Variants in ADGB observed in about 807,000 individuals in gnomAD.
The protein encoded by ADGB is calpain-7-like protein.
A neutral mutation model predicts 210.5 loss-of-function variants in ADGB; 172 were observed. That is an observed-to-expected ratio of 0.82 (90% CI 0.72 to 0.93). The LOEUF (loss-of-function observed/expected upper bound fraction) is 0.93, where lower values mean the gene tolerates loss of function less well. ADGB is among the 40% of genes least tolerant of loss of function. ADGB has a pLI of 0.00. For synonymous variants in ADGB, 658 were observed against 662.7 expected (o/e 0.99, Z 0.11); for missense variants, 2,025 against 1,964.8 (o/e 1.03, Z -0.58).
At chr6:146,678,805 G>C (rs1201577981) in intron 9 of ADGB, among the ~76,000 whole-genome samples, 2 of 152,100 alleles carry the variant, frequency 1.3e-5, no homozygotes, top group African/African-American at 4.8e-5. Flanking sequence ...ATTTCATTTT[G>C]TTATTTTCAA....
intron 29 of ADGB, among the ~76,000 whole-genome samples, chr6:146,771,491 C>G (rs1188490011): frequency 1.3e-5 from 2 of 152,094 alleles, no homozygotes; most frequent in Non-Finnish European, 2.9e-5. Context: ...TTAAAGTAAC[C>G]ATTACCCTAT....
intron 8 of ADGB, among the ~76,000 whole-genome samples, chr6:146,675,619 G>A (rs1171271152): frequency 6.6e-6 from 1 of 152,100 alleles, no homozygotes; most frequent in African/African-American, 2.4e-5. Context: ...AGCAGATGAT[G>A]CAGAGAATGA....
At chr6:146,645,586 A>C (rs1368594352) in intron 3 of ADGB, among the ~76,000 whole-genome samples, 1 of 152,066 alleles carries the variant, frequency 6.6e-6, no homozygotes, top group Non-Finnish European at 1.5e-5. Context: ...AGAAGTAGTC[A>C]AATTGTTGTA....
chr6:146,681,122 C>T (rs546202405), intron 9 of ADGB, among the ~76,000 whole-genome samples: 123 of 152,282 alleles, frequency 8.1e-4, no homozygotes, highest in South Asian at 5.4e-3. Context: ...TATTTGTCCT[C>T]GCCCAAACTT....
chr6:146,705,933 T>A (rs1256663373), intron 13 of ADGB, among the ~76,000 whole-genome samples: 1 of 152,146 alleles, frequency 6.6e-6, no homozygotes. Context: ...AGGAGACTTT[T>A]TATTTTAAGA....
At chr6:146,688,827 G>T (rs1440181206) in intron 10 of ADGB, among the ~76,000 whole-genome samples, 1 of 152,092 alleles carries the variant, frequency 6.6e-6, no homozygotes, top group African/African-American at 2.4e-5. Flanking sequence ...CTGTCTTAAT[G>T]AAATTTTGTT....
intron 30 of ADGB, 21 bp downstream of exon 30, chr6:146,782,213 A>G (rs1777811685): frequency 6.7e-7 from 1 of 1,502,848 alleles, no homozygotes. Context: ...AATTTTTTTT[A>G]TTTGAGTGAC....
In ADGB at chr6:146,644,869, A is replaced by C. The variant is rs1314233312; in HGVS notation, c.330+4A>C. ...ACAAGATATTTTATTTAGTCAGGTA[A>C]GAAAGTTTTTTCTATTAAATAAAAT... On this transcript the variant is annotated splice_donor_region_variant and intron_variant, in intron 3 of 35. Transcript: ENST00000397944. 2 of 1,455,518 alleles carry C rather than the reference A, an allele frequency of 1.4e-6. No homozygotes were observed. The highest frequency in any genetic ancestry group is 1.4e-5 in the African/African-American group (1 of 69,334). 90.2% of individuals were successfully genotyped at this position (1,455,518 alleles called of 1,614,324 possible). A position where few individuals can be genotyped will look rare whatever the true frequency, so the allele number is the denominator to read the frequency against.
chr6:146,721,838 C>CA lies in ADGB; in HGVS notation c.2095+341dup, dbSNP rs1049814178. 1.1e-4 allele frequency among the ~76,000 whole-genome samples: 16 copies of CA among 151,566 alleles called. No homozygotes were observed. In the East Asian group the frequency reaches 2.3e-3, roughly 22 times the overall value. On this transcript the variant is annotated intron_variant, in intron 17 of 35. Coordinates refer to ENST00000397944, the MANE Select transcript of ADGB (RefSeq NM_024694.4). The stretch of plus-strand genomic sequence containing the variant: ...GGGCAACAAGAGTGAAACTCTCTCT[C>CA]AAAAAAAATAAAAAAATTTTAAAAA...
intron 8 of ADGB, 47 bp from the exon 9 acceptor site, chr6:146,676,266 T>G: frequency 6.9e-7 from 1 of 1,459,538 alleles, no homozygotes; most frequent in Non-Finnish European, 9.2e-7. Flanking sequence ...AAATATAGTT[T>G]GAGATTGTCT....
At chr6:146,614,791 T>A (rs1780766420) in intron 1 of ADGB, among the ~76,000 whole-genome samples, 1 of 152,192 alleles carries the variant, frequency 6.6e-6, no homozygotes, top group Non-Finnish European at 1.5e-5. Flanking sequence ...GGTACCAACA[T>A]CTGCTCAACT....
intron 13 of ADGB, among the ~76,000 whole-genome samples, chr6:146,713,549 T>A (rs1247401910): frequency 6.6e-6 from 1 of 152,190 alleles, no homozygotes; most frequent in African/African-American, 2.4e-5. Flanking sequence ...CTTAGAAGGG[T>A]CTATTCAAAT....
chr6:146,606,636 A>G (rs749091603), intron 1 of ADGB, among the ~76,000 whole-genome samples: 10 of 152,228 alleles, frequency 6.6e-5, no homozygotes, highest in Non-Finnish European at 1.5e-4. Context: ...CAGTTATCCC[A>G]GTACCATTTA....
chr6:146,725,429 G>C (rs1207863093), intron 18 of ADGB: 2 of 152,192 alleles, frequency 1.3e-5, no homozygotes, highest in African/African-American at 4.8e-5. Flanking sequence ...TCATAGGAGC[G>C]GGAATCCTAT....
In ADGB at chr6:146,691,498, A is replaced by ATTTTTT. The variant is rs1319836837; in HGVS notation, c.1486+209_1486+210insTTTTTT. On this transcript the variant is annotated intron_variant, in intron 11 of 35. Coordinates refer to ENST00000397944, the MANE Select transcript of ADGB (RefSeq NM_024694.4). Reference sequence around the variant, plus strand: ...TATAAATATATATATATATATATATATATTTTTTTTTTTTTTTTTTTTTTT... The same window carrying ATTTTTT: ...TATAAATATATATATATATATATATATTTTTTTATTTTTTTTTTTTTTTTTTTTTTT... Among the ~76,000 whole-genome samples, 47 of 17,056 alleles carry ATTTTTT rather than the reference A, an allele frequency of 2.8e-3. 3 individuals are homozygous for ATTTTTT. The highest frequency in any genetic ancestry group is 3.8e-3 in the Non-Finnish European group (44 of 11,698). 11.2% of individuals were successfully genotyped at this position (17,056 alleles called of 152,430 possible).
intron 10 of ADGB, among the ~76,000 whole-genome samples, 192 bp from the exon 11 acceptor site, chr6:146,690,924 G>A (rs978972569): frequency 2.0e-5 from 3 of 151,800 alleles, no homozygotes; most frequent in African/African-American, 4.8e-5. Flanking sequence ...AAAGAAACAG[G>A]GCTCCAGAAA....
intron 16 of ADGB, among the ~76,000 whole-genome samples, chr6:146,718,173 C>A (rs1375235444): frequency 6.6e-6 from 1 of 151,920 alleles, no homozygotes; most frequent in Non-Finnish European, 1.5e-5. Context: ...ATGGTGAAAC[C>A]CCATCTCTGC....
intron 5 of ADGB, among the ~76,000 whole-genome samples, chr6:146,657,444 G>A (rs1365999357): frequency 1.3e-5 from 2 of 152,158 alleles, no homozygotes; most frequent in Admixed American, 6.5e-5. Context: ...CAATTGTGTA[G>A]CTACAGAGAG....
At chr6:146,668,164 T>A (rs1775962359) in intron 7 of ADGB, among the ~76,000 whole-genome samples, 1 of 152,128 alleles carries the variant, frequency 6.6e-6, no homozygotes, top group Non-Finnish European at 1.5e-5. Context: ...CAAATCAAGA[T>A]AAGGTGCATA....
Sources: allele counts gnomAD v4.1 joint callset (sites outside exome capture counted in the v4.1 genomes callset), GRCh38; gene constraint gnomAD v4.1.1; transcripts MANE v1.5; gene names NCBI Gene and HGNC (gene_info 2026-07-23, HGNC 2026-07-21).